NOP14: variants seen among roughly 807,000 people sequenced by gnomAD.
NOP14 encodes NOP14 nucleolar protein, also known as nucleolar protein 14.
NOP14 carries 57 observed loss-of-function variants against 101.6 expected under a neutral mutation model. The ratio of observed to expected loss-of-function variants is 0.56; its 90% CI spans 0.45 to 0.70. The LOEUF is 0.70. NOP14 is among the 30% of genes least tolerant of loss of function. NOP14 has a pLI of 0.00. For missense variants in NOP14, 1,134 were observed against 1,075.5 expected (o/e 1.05, Z -0.76); for synonymous variants, 428 against 424.0 (o/e 1.01, Z -0.12).
intron 1 of NOP14, among the ~76,000 whole-genome samples, chr4:2,961,101 ATATTTTAATAATATATTAATAT>A (rs1415134718): frequency 1.3e-4 from 5 of 38,922 alleles, no homozygotes; most frequent in East Asian, 1.1e-3. Context: ...TAATATATTA[ATATTTTAATAATATATTAATAT>A]TATAATAATA....
intron 1 of NOP14, among the ~76,000 whole-genome samples, chr4:2,961,068 T>C (rs1715808440): frequency 8.6e-6 from 1 of 116,296 alleles, no homozygotes; most frequent in Admixed American, 1.0e-4. Flanking sequence ...CAATATTATA[T>C]TAATACTATA....
intron 1 of NOP14, among the ~76,000 whole-genome samples, chr4:2,958,257 A>AAAT (rs1715482464): frequency 6.6e-6 from 1 of 152,232 alleles, no homozygotes; most frequent in African/African-American, 2.4e-5. Flanking sequence ...GCAATATTTT[A>AAAT]AATACGGTTA....
At chr4:2,948,469 T>G in intron 8 of NOP14, 61 bp from the exon 9 acceptor site, 2 of 1,318,096 alleles carry the variant, frequency 1.5e-6, no homozygotes, top group Non-Finnish European at 2.0e-6. Flanking sequence ...ATATATTTAT[T>G]TTTGAGATGG....
chr4:2,955,017 C>G (rs1191503026), intron 3 of NOP14, among the ~76,000 whole-genome samples: 1 of 149,382 alleles, frequency 6.7e-6, no homozygotes, highest in Non-Finnish European at 1.5e-5. Context: ...CACGGCGCCC[C>G]CTCTAGTCAC....
At chr4:2,948,477 T>TG (rs1383194067) in intron 8 of NOP14, 69 bp from the exon 9 acceptor site, 2 of 1,256,828 alleles carry the variant, frequency 1.6e-6, no homozygotes, top group Non-Finnish European at 1.1e-6. Context: ...ATTTTTGAGA[T>TG]GGAGTCTCGC....
At position 2,963,113 on chromosome 4, in the gene NOP14, C is replaced by T. The variant is rs985567044; in HGVS notation, c.195+12G>A. On this transcript the variant is annotated intron_variant, in intron 1 of 17. Transcript: ENST00000416614. ...ATCCTGCCTTCCGGCTCCCCGTGCG[C>T]CCCCCGCTTACCTTCCTGAGGGCCC... 9 of 1,530,094 alleles carry T rather than the reference C, an allele frequency of 5.9e-6. No homozygotes were observed. In the African/African-American group the frequency reaches 1.0e-4, roughly 17 times the overall value. 94.8% of individuals were successfully genotyped at this position (1,530,094 alleles called of 1,614,324 possible).
intron 10 of NOP14, chr4:2,946,885 T>G: frequency 3.2e-6 from 1 of 315,398 alleles, no homozygotes; most frequent in South Asian, 3.2e-5. Context: ...ACTTCTTTGA[T>G]AGTGCCTCCA....
chr4:2,959,347 C>G (rs1030898871), intron 1 of NOP14, among the ~76,000 whole-genome samples: 1 of 152,212 alleles, frequency 6.6e-6, no homozygotes. Context: ...AATTCCAGCA[C>G]TCTGGGAGGC....
chr4:2,939,749 C>CAGG, intron 15 of NOP14, 104 bp from the exon 16 acceptor site: 1 of 878,770 alleles, frequency 1.1e-6, no homozygotes, highest in Non-Finnish European at 1.9e-6. Flanking sequence ...GACAGTGCTG[C>CAGG]GAGCTCCCTG....
At chr4:2,954,667 G>C (rs1366467894) in intron 3 of NOP14, 104 bp from the exon 4 acceptor site, 21 of 1,387,566 alleles carry the variant, frequency 1.5e-5, no homozygotes, top group Non-Finnish European at 2.0e-5. Context: ...GTCTGGAAAA[G>C]TCCACATTTG....
Position 2,950,033 on chromosome 4 carries a change from G to T in NOP14, c.1183C>A (p.Pro395Thr). ...GGAGTCTGCCTCTGCTCTTTTGCTG[G>T]CTTCTCGTTTTCTTCCTCACTCTCC... ...NVESEEENEK[P>T]AKEQRQTPGK... The change falls in exon 8 of 18, where the codon CCA becomes ACA. Residue 395 changes from proline to threonine, a missense_variant. By Grantham distance (38) the Pro-to-Thr change is conservative (BLOSUM62 -1). Coordinates refer to ENST00000416614, the MANE Select transcript of NOP14 (RefSeq NM_001291978.2). The T allele has an allele frequency of 6.2e-7, 1 of 1,614,122 alleles. No homozygotes were observed.
intron 3 of NOP14, 87 bp from the exon 4 acceptor site, chr4:2,954,650 C>T: frequency 6.7e-7 from 1 of 1,486,084 alleles, no homozygotes; most frequent in Non-Finnish European, 9.0e-7. Flanking sequence ...GTGCTTCCCC[C>T]ATAGTGGTCT....
intron 1 of NOP14, among the ~76,000 whole-genome samples, chr4:2,959,476 C>G (rs997375376): frequency 1.4e-4 from 21 of 152,102 alleles, no homozygotes; most frequent in African/African-American, 4.8e-4. Flanking sequence ...GCCTGTAGTC[C>G]CAGCTACTCA....
chr4:2,939,700 G>A (rs1235238209), intron 15 of NOP14, 55 bp from the exon 16 acceptor site: 9 of 1,324,504 alleles, frequency 6.8e-6, no homozygotes, highest in Non-Finnish European at 9.8e-6. Flanking sequence ...CGTGCCCTGA[G>A]CTCCACGCAC....
At position 2,938,175 on chromosome 4, in the gene NOP14, G is replaced by T. The variant is rs1218362564; in HGVS notation, c.*656C>A. ...TTTAACAGAAACAAAACCGCAGGCA[G>T]CGGGTGGGGGGAGCTGGAGGTTGGA... On this transcript the variant is annotated 3_prime_UTR_variant, in exon 18 of 18. Coordinates refer to ENST00000416614, the MANE Select transcript of NOP14 (RefSeq NM_001291978.2). 4.7e-6 allele frequency: 6 copies of T among 1,284,978 alleles called. No individual in the cohort carries two copies. In the South Asian group the frequency reaches 7.5e-5, roughly 16 times the overall value. The allele number at this position is 1,284,978 out of a possible 1,614,324, so 79.6% of individuals were successfully genotyped here.
At chr4:2,942,556 G>A (rs1223010095) in intron 13 of NOP14, among the ~76,000 whole-genome samples, 1 of 152,166 alleles carries the variant, frequency 6.6e-6, no homozygotes, top group Non-Finnish European at 1.5e-5. Context: ...GGCGCGGTGA[G>A]AGCCAAGTGC....
intron 11 of NOP14, 113 bp downstream of exon 11, chr4:2,946,299 A>G (rs1220569084): frequency 3.1e-6 from 4 of 1,286,480 alleles, no homozygotes; most frequent in Non-Finnish European, 4.4e-6. Flanking sequence ...CTCACTCCAC[A>G]TCACCCTGGA....
chr4:2,959,324 G>A (rs1715547136), intron 1 of NOP14, among the ~76,000 whole-genome samples: 1 of 152,206 alleles, frequency 6.6e-6, no homozygotes, highest in Admixed American at 6.5e-5. Context: ...CGGGCGCGGT[G>A]GCTCACGCCT....
intron 6 of NOP14, 32 bp from the exon 7 acceptor site, chr4:2,951,277 A>G (rs1438060013): frequency 2.2e-5 from 36 of 1,608,796 alleles, no homozygotes; most frequent in Non-Finnish European, 3.0e-5. Flanking sequence ...GTCTTAGAGC[A>G]CACTCTTCCA....
Sources: gnomAD v4.1 joint callset for allele counts (sites outside exome capture counted in the v4.1 genomes callset) on GRCh38, gnomAD v4.1.1 for gene constraint, MANE v1.5 for transcripts, NCBI Gene and HGNC (gene_info 2026-07-23, HGNC 2026-07-21) for gene names.